Variants in ZDHHC9 observed in about 807,000 individuals in gnomAD.
The protein encoded by ZDHHC9 is palmitoyltransferase ZDHHC9.
In ZDHHC9, 3 loss-of-function variants were observed where a neutral mutation model predicts 26.6. That is an observed-to-expected ratio of 0.11 (90% CI 0.05 to 0.29). The LOEUF (loss-of-function observed/expected upper bound fraction) is 0.29. Ranked by LOEUF, ZDHHC9 falls within the 10% of genes least tolerant of loss-of-function variation. The pLI is 1.00. For synonymous variants in ZDHHC9, 111 were observed against 109.4 expected (o/e 1.01, Z -0.09); for missense variants, 146 against 296.4 (o/e 0.49, Z 3.73).
intron 3 of ZDHHC9, among the ~76,000 whole-genome samples, chrX:129,839,813 C>G (rs760594583): frequency 9.9e-5 from 11 of 111,402 alleles, no homozygotes; most frequent in African/African-American, 3.6e-4. Context: ...CCACCTCCCC[C>G]CTCCACTCCT....
chrX:129,838,344 GCGGCC>G (rs1393825535), intron 3 of ZDHHC9, among the ~76,000 whole-genome samples: 2 of 111,522 alleles, frequency 1.8e-5, no homozygotes, highest in Non-Finnish European at 3.8e-5. Context: ...CTCGGTGACA[GCGGCC>G]CGAGAGAGAC....
chrX:129,816,292 C>T (rs1927755435), intron 5 of ZDHHC9, among the ~76,000 whole-genome samples: 1 of 111,385 alleles, frequency 9.0e-6, no homozygotes. Context: ...TCCACAGGGC[C>T]ACTGCAGGAC....
intron 3 of ZDHHC9, among the ~76,000 whole-genome samples, chrX:129,837,480 G>A (rs1928286976): frequency 8.9e-6 from 1 of 112,572 alleles, no homozygotes; most frequent in Non-Finnish European, 1.9e-5. Flanking sequence ...TGAAAGAGGG[G>A]TAGAATTTGG....
intron 2 of ZDHHC9, among the ~76,000 whole-genome samples, chrX:129,842,988 C>A (rs1331626657): frequency 8.9e-6 from 1 of 112,406 alleles, no homozygotes; most frequent in East Asian, 2.8e-4. Flanking sequence ...TTCCCAGGCC[C>A]AGAGTTTCTC....
At position 129,804,552 on chromosome X, in the gene ZDHHC9, AC is replaced by A. The variant is rs1449082483; in HGVS notation, c.*1817del. On this transcript the variant is annotated 3_prime_UTR_variant, in exon 11 of 11. Transcript: ENST00000357166. Reference sequence around the variant, plus strand: ...AAATATATACCATCACTTGTAAAAGACCACTGATCAAATATTTCCAAGGGGG... The same window carrying A: ...AAATATATACCATCACTTGTAAAAGACACTGATCAAATATTTCCAAGGGGG... 9.0e-6 allele frequency: 1 copy of A among 111,527 alleles called. No homozygotes were observed. Among genetic ancestry groups the A allele is most frequent in the Non-Finnish European group, 1.9e-5 (1 of 53,006 alleles). The allele number at this position is 111,527 out of a possible 1,213,427, so 9.2% of individuals were successfully genotyped here. A position where few individuals can be genotyped will look rare whatever the true frequency, so the allele number is the denominator to read the frequency against.
chrX:129,813,835 T>G, intron 6 of ZDHHC9, 110 bp from the exon 7 acceptor site: 4 of 706,373 alleles, frequency 5.7e-6, no homozygotes, highest in Non-Finnish European at 6.6e-6. Flanking sequence ...TGTTACACAC[T>G]GGCAAGAGCT....
At chrX:129,838,106 GAATT>G (rs779631729) in intron 3 of ZDHHC9, among the ~76,000 whole-genome samples, 226 of 112,095 alleles carry the variant, frequency 2.0e-3, no homozygotes, top group Non-Finnish European at 2.1e-3. Flanking sequence ...CTCACCCTAA[GAATT>G]AATTAGAAAA....
rs762606195 is a variant in ZDHHC9, at chrX:129,832,466, G to A, written c.168-3325C>T. On this transcript the variant is annotated intron_variant, in intron 3 of 10. Transcript: ENST00000357166. Reference sequence around the variant, plus strand: ...AGTTCAAGACCATCCTGGCCAACATGGCAAAACCCCATCTCTACTAAAAAC... The same window carrying A: ...AGTTCAAGACCATCCTGGCCAACATAGCAAAACCCCATCTCTACTAAAAAC... Among the ~76,000 whole-genome samples, 11 of 110,818 alleles carry A rather than the reference G, an allele frequency of 9.9e-5. No individual in the cohort carries two copies. The South Asian group carries it at 4.2e-3, about 42-fold the overall frequency.
chrX:129,807,274 G>A (rs1373426731), intron 10 of ZDHHC9, among the ~76,000 whole-genome samples: 3 of 105,952 alleles, frequency 2.8e-5, no homozygotes, highest in Non-Finnish European at 3.9e-5. Flanking sequence ...GTGAAACCCC[G>A]TCTCTACTAA....
At chrX:129,836,940 G>A (rs1047932796) in intron 3 of ZDHHC9, among the ~76,000 whole-genome samples, 2 of 112,373 alleles carry the variant, frequency 1.8e-5, no homozygotes, top group African/African-American at 6.5e-5. Context: ...ACTAAAGCAT[G>A]TGTGTTTGAA....
At chrX:129,812,235 T>C (rs1927659190) in intron 8 of ZDHHC9, among the ~76,000 whole-genome samples, 1 of 111,350 alleles carries the variant, frequency 9.0e-6, no homozygotes, top group Non-Finnish European at 1.9e-5. Context: ...AGGTGCACAC[T>C]AACACATCCG....
chrX:129,815,154 A>G (rs918543974), intron 5 of ZDHHC9, among the ~76,000 whole-genome samples: 2 of 111,452 alleles, frequency 1.8e-5, no homozygotes, highest in African/African-American at 3.3e-5. Flanking sequence ...AAGAATAAAC[A>G]GGTCAAAATA....
rs1459836534 is a variant in ZDHHC9, at chrX:129,814,773, G to C, written c.510C>G (p.Pro170=). The change falls in exon 6 of 11, where the codon CCC becomes CCG. Residue 170 remains proline, a synonymous_variant. Transcript: ENST00000357166. ...NCVERFDHHC[P]WVGNCVGKRN... Reference sequence around the variant, plus strand: ...TCTTTCCAACACAATTCCCCACCCAGGGGCAGTGATGGTCGAAGCGCTCTG... The same window carrying C: ...TCTTTCCAACACAATTCCCCACCCACGGGCAGTGATGGTCGAAGCGCTCTG... The C allele has an allele frequency of 8.3e-7, 1 of 1,211,564 alleles. No homozygotes were observed. The highest frequency in any genetic ancestry group is 1.1e-6 in the Non-Finnish European group (1 of 895,447).
chrX:129,811,783 T>A (rs772694145), intron 8 of ZDHHC9, among the ~76,000 whole-genome samples: 1 of 110,540 alleles, frequency 9.0e-6, no homozygotes, highest in Admixed American at 9.7e-5. Flanking sequence ...ACATTTAATA[T>A]AGCACACTTT....
intron 5 of ZDHHC9, among the ~76,000 whole-genome samples, chrX:129,822,303 G>A (rs945339836): frequency 1.8e-5 from 2 of 111,128 alleles, no homozygotes; most frequent in Non-Finnish European, 3.8e-5. Flanking sequence ...GTCCTTTGTA[G>A]GGACATGGAT....
rs774086270 is a variant in ZDHHC9 at position 129,803,741 on chromosome X, C to T, written c.*2629G>A. The stretch of plus-strand genomic sequence containing the variant: ...ACCACAGCCAATTTCCACCTGCCCC[C>T]AGAGGTTTGGGATCAGTGCCAACCA... On this transcript the variant is annotated 3_prime_UTR_variant, in exon 11 of 11. Coordinates refer to ENST00000357166, the MANE Select transcript of ZDHHC9 (RefSeq NM_016032.4). 8.9e-6 allele frequency: 1 copy of T among 111,983 alleles called. No individual in the cohort carries two copies. The highest frequency in any genetic ancestry group is 1.9e-5 in the Non-Finnish European group (1 of 53,211). The allele number at this position is 111,983 out of a possible 1,213,427, so 9.2% of individuals were successfully genotyped here. A position where few individuals can be genotyped will look rare whatever the true frequency, so the allele number is the denominator to read the frequency against.
intron 3 of ZDHHC9, among the ~76,000 whole-genome samples, chrX:129,831,955 T>C (rs780463031): frequency 9.0e-6 from 1 of 110,883 alleles, no homozygotes; most frequent in African/African-American, 3.3e-5. Context: ...GTTCATGAGA[T>C]CTATTGCCCA....
chrX:129,809,983 C>T (rs1300187951), intron 10 of ZDHHC9, among the ~76,000 whole-genome samples: 41 of 49,239 alleles, frequency 8.3e-4, no homozygotes, highest in South Asian at 1.1e-3. Context: ...AGCGAGACTC[C>T]GTCTCAAAAA....
At chrX:129,810,862 C>T (rs755467176) in intron 10 of ZDHHC9, 43 bp downstream of exon 10, 15 of 1,115,830 alleles carry the variant, frequency 1.3e-5, no homozygotes, top group South Asian at 1.8e-5. Flanking sequence ...AATTAGCCTC[C>T]GCCCTCTCTA....
Sources: gnomAD v4.1 joint callset for allele counts (sites outside exome capture counted in the v4.1 genomes callset) on GRCh38, gnomAD v4.1.1 for gene constraint, MANE v1.5 for transcripts, NCBI Gene and HGNC (gene_info 2026-07-23, HGNC 2026-07-21) for gene names.